ZDHHC23: variants seen among roughly 807,000 people sequenced by gnomAD.
ZDHHC23 encodes palmitoyltransferase ZDHHC23.
A neutral mutation model predicts 40.2 loss-of-function variants in ZDHHC23; 41 were observed. The ratio of observed to expected loss-of-function variants is 1.02; its 90% CI spans 0.79 to 1.32. The LOEUF (loss-of-function observed/expected upper bound fraction) is 1.32, where lower values mean the gene tolerates loss of function less well. Ranked by LOEUF, ZDHHC23 falls within the 40% of genes most tolerant of loss-of-function variation. ZDHHC23 has a pLI of 0.00. For missense variants in ZDHHC23, 471 were observed against 541.5 expected (o/e 0.87, Z 1.29); for synonymous variants, 204 against 210.2 (o/e 0.97, Z 0.26).
the ZDHHC23 span, among the ~76,000 whole-genome samples, chr3:113,975,452 A>ATATT: frequency 5.3e-5 from 8 of 152,342 alleles, no homozygotes; most frequent in East Asian, 1.5e-3. Flanking sequence ...GTGACCTTAA[A>ATATT]TATTAGTGTC....
chr3:113,978,925 T>C, the ZDHHC23 span: 21 of 1,614,102 alleles, frequency 1.3e-5, no homozygotes, highest in South Asian at 2.2e-5. Flanking sequence ...CTGGGCCATC[T>C]TTCTAGCCAG....
At position 113,948,684 on chromosome 3, in the gene ZDHHC23, A is replaced by T. The variant is rs1374388933; in HGVS notation, c.-117-2A>T. On this transcript the variant is annotated splice_acceptor_variant, in intron 1 of 4. Coordinates refer to ENST00000638807, the MANE Select transcript of ZDHHC23 (RefSeq NM_001320466.2). LOFTEE classifies it low-confidence loss of function (5UTR_SPLICE). Reference sequence around the variant, plus strand: ...TCTCTCTTCTCATTTTTGATTGCTCAGGCGTTGGAGGTTAAGCAGAGAGAG... The same window carrying T: ...TCTCTCTTCTCATTTTTGATTGCTCTGGCGTTGGAGGTTAAGCAGAGAGAG... The T allele has an allele frequency of 1.7e-6, 2 of 1,198,408 alleles. No homozygotes were observed. Among genetic ancestry groups the T allele is most frequent in the South Asian group, 3.0e-5 (2 of 66,476 alleles). The allele number at this position is 1,198,408 out of a possible 1,614,324, so 74.2% of individuals were successfully genotyped here.
chr3:113,978,407 A>G, the ZDHHC23 span: 3 of 1,434,202 alleles, frequency 2.1e-6, no homozygotes, highest in Non-Finnish European at 2.9e-6. Flanking sequence ...AAACAGCACA[A>G]AAGACAGAAA....
chr3:113,968,121 T>C (rs1487278914), downstream of ZDHHC23, among the ~76,000 whole-genome samples: 1 of 152,234 alleles, frequency 6.6e-6, no homozygotes, highest in African/African-American at 2.4e-5. Flanking sequence ...CTTGGATGTA[T>C]TGATTTCCTT....
At chr3:113,974,111 C>T in the ZDHHC23 span, among the ~76,000 whole-genome samples, 1 of 151,796 alleles carries the variant, frequency 6.6e-6, no homozygotes, top group Admixed American at 6.6e-5. Flanking sequence ...TTTCTCAGTT[C>T]CAAGATTTGT....
chr3:113,966,226 T>C (rs1940154249), downstream of ZDHHC23, among the ~76,000 whole-genome samples: 1 of 152,080 alleles, frequency 6.6e-6, no homozygotes, highest in Non-Finnish European at 1.5e-5. Flanking sequence ...TGAATATCAG[T>C]TGAGAAAAAA....
Position 113,958,504 on chromosome 3 carries a change from G to A in ZDHHC23, c.1182G>A (p.Gly394=). ...AGCAGGCCCTCCGACAGAAGACTGG[G>A]CGCCGGCTCCTCTGCGGGCTCATCG... ...EVQQALRQKT[G]RRLLCGLIVD... Residue 394 remains glycine, a synonymous_variant, in exon 5 of 5, where the codon GGG becomes GGA. Coordinates refer to ENST00000638807, the MANE Select transcript of ZDHHC23 (RefSeq NM_001320466.2). 1.9e-6 allele frequency: 3 copies of A among 1,614,006 alleles called. No individual in the cohort carries two copies. The highest frequency in any genetic ancestry group is 2.5e-6 in the Non-Finnish European group (3 of 1,180,032).
At chr3:113,952,570 T>C (rs928581991) in intron 2 of ZDHHC23, among the ~76,000 whole-genome samples, 1 of 152,226 alleles carries the variant, frequency 6.6e-6, no homozygotes, top group Admixed American at 6.5e-5. Flanking sequence ...CGTTACCCGG[T>C]TCCACAGCTG....
intron 3 of ZDHHC23, among the ~76,000 whole-genome samples, chr3:113,954,708 C>G (rs1235636523): frequency 6.6e-6 from 1 of 151,814 alleles, no homozygotes; most frequent in African/African-American, 2.4e-5. Context: ...GAAATATCTA[C>G]AGTTGAATGA....
In ZDHHC23 at chr3:113,949,534, C is replaced by T. The variant is rs546069913; in HGVS notation, c.161+571C>T. On this transcript the variant is annotated intron_variant, in intron 2 of 4. Transcript: ENST00000638807. The stretch of plus-strand genomic sequence containing the variant: ...TCTTGATTGATCATACTGTATTTGG[C>T]TTTTATTTTCCAAGTGATGGAAATT... 8.5e-5 allele frequency among the ~76,000 whole-genome samples: 13 copies of T among 152,232 alleles called. No homozygotes were observed. The South Asian group carries it at 2.7e-3, about 32-fold the overall frequency.
chr3:113,959,473 A>G lies in ZDHHC23; in HGVS notation c.*843A>G. The G allele has an allele frequency of 7.9e-7, 1 of 1,262,986 alleles. No individual in the cohort carries two copies. Among genetic ancestry groups the G allele is most frequent in the Non-Finnish European group, 1.0e-6 (1 of 967,868 alleles). 78.2% of individuals were successfully genotyped at this position (1,262,986 alleles called of 1,614,324 possible). A position where few individuals can be genotyped will look rare whatever the true frequency, so the allele number is the denominator to read the frequency against. ...AATTCTGCTTGGGTTTCTTATAAATAACTCCAACAGGCATTCATGTGTTTT... is the reference window on the plus strand; with the variant it reads ...AATTCTGCTTGGGTTTCTTATAAATGACTCCAACAGGCATTCATGTGTTTT... On this transcript the variant is annotated 3_prime_UTR_variant, in exon 5 of 5. Transcript: ENST00000638807.
At chr3:113,972,475 G>A in the ZDHHC23 span, among the ~76,000 whole-genome samples, 4 of 152,054 alleles carry the variant, frequency 2.6e-5, no homozygotes, top group Non-Finnish European at 5.9e-5. Flanking sequence ...TTTGTTGAGA[G>A]TTGTTTTGTG....
downstream of ZDHHC23, among the ~76,000 whole-genome samples, chr3:113,969,985 G>A (rs1940634516): frequency 6.6e-6 from 1 of 152,090 alleles, no homozygotes; most frequent in African/African-American, 2.4e-5. Flanking sequence ...CAGGAGCATG[G>A]CATATCTTTC....
chr3:113,951,568 C>T (rs182893903), intron 2 of ZDHHC23, among the ~76,000 whole-genome samples: 11 of 152,262 alleles, frequency 7.2e-5, no homozygotes, highest in Non-Finnish European at 1.5e-4. Context: ...ACCCTGAAGC[C>T]CCATGGGTGC....
downstream of ZDHHC23, among the ~76,000 whole-genome samples, chr3:113,966,417 A>G (rs1348976477): frequency 1.3e-5 from 2 of 150,444 alleles, no homozygotes; most frequent in Non-Finnish European, 2.9e-5. Flanking sequence ...ACAGGTGACC[A>G]GAGTTTCCAT....
At position 113,958,856 on chromosome 3, in the gene ZDHHC23, T is replaced by C; in HGVS notation, c.*226T>C. 7.4e-7 allele frequency: 1 copy of C among 1,354,008 alleles called. No individual in the cohort carries two copies. The highest frequency in any genetic ancestry group is 9.7e-7 in the Non-Finnish European group (1 of 1,033,448). The allele number at this position is 1,354,008 out of a possible 1,614,324, so 83.9% of individuals were successfully genotyped here. On this transcript the variant is annotated 3_prime_UTR_variant, in exon 5 of 5. Transcript: ENST00000638807. ...GAGCCATTCCTTTCCAGTCACCTTT[T>C]TAATTGACTCAGTTGCCTGAACTTG... is the stretch of plus-strand genomic sequence containing the variant.
the ZDHHC23 span, among the ~76,000 whole-genome samples, chr3:113,975,305 G>A: frequency 1.3e-5 from 2 of 152,138 alleles, no homozygotes; most frequent in South Asian, 4.1e-4. Flanking sequence ...GCAGCTTAAA[G>A]GTCAGGCTTA....
intron 1 of ZDHHC23, 90 bp from the exon 2 acceptor site, chr3:113,948,596 T>C: frequency 1.8e-6 from 1 of 562,560 alleles, no homozygotes; most frequent in Non-Finnish European, 3.1e-6. Context: ...CCAAGAACCC[T>C]GGAGCCCCCT....
At chr3:113,972,421 AT>A in the ZDHHC23 span, among the ~76,000 whole-genome samples, 1 of 151,896 alleles carries the variant, frequency 6.6e-6, no homozygotes, top group Non-Finnish European at 1.5e-5. Flanking sequence ...ATTTTATTCT[AT>A]TGTGGTCAGA....
Sources: allele counts gnomAD v4.1 joint callset (sites outside exome capture counted in the v4.1 genomes callset), GRCh38; gene constraint gnomAD v4.1.1; transcripts MANE v1.5; gene names NCBI Gene and HGNC (gene_info 2026-07-23, HGNC 2026-07-21).